The following PTPRN2 variants were observed in gnomAD, a reference collection of about 807,000 sequenced individuals.
PTPRN2 encodes receptor-type tyrosine-protein phosphatase N2.
In PTPRN2, 74 loss-of-function variants were observed where a neutral mutation model predicts 118.8. That is an observed-to-expected ratio of 0.62 (90% CI 0.52 to 0.76). PTPRN2 has a LOEUF of 0.76. Ranked by LOEUF, PTPRN2 falls within the 30% of genes least tolerant of loss-of-function variation. PTPRN2 has a pLI of 0.00. For synonymous variants in PTPRN2, 641 were observed against 608.0 expected (o/e 1.05, Z -0.80); for missense variants, 1,481 against 1,394.4 (o/e 1.06, Z -0.99).
At chr7:157,962,271 C>T (rs2164219) in intron 11 of PTPRN2, among the ~76,000 whole-genome samples, 56,057 of 152,128 alleles carry the variant, frequency 0.37, 12,882 homozygotes, top group Non-Finnish European at 0.53. Flanking sequence ...GAAAACACGC[C>T]GCTGCCAGCA....
chr7:158,369,419 A>AG (rs1325170484), intron 2 of PTPRN2, among the ~76,000 whole-genome samples: 4 of 152,124 alleles, frequency 2.6e-5, no homozygotes, highest in Admixed American at 6.6e-5. Context: ...ACACATGGTG[A>AG]GGGTGCCGGG....
intron 14 of PTPRN2, among the ~76,000 whole-genome samples, chr7:157,631,093 C>A (rs1012421980): frequency 6.6e-6 from 1 of 152,178 alleles, no homozygotes; most frequent in African/African-American, 2.4e-5. Flanking sequence ...GAATCTCTGG[C>A]AAGCCCAGAG....
At chr7:158,547,607 G>C (rs1223180097) in intron 1 of PTPRN2, among the ~76,000 whole-genome samples, 3 of 152,224 alleles carry the variant, frequency 2.0e-5, no homozygotes, top group Non-Finnish European at 4.4e-5. Context: ...CAAGGGAAAG[G>C]GGCCTGTTGG....
At chr7:158,358,772 G>C (rs1035226922) in intron 2 of PTPRN2, among the ~76,000 whole-genome samples, 3 of 152,234 alleles carry the variant, frequency 2.0e-5, no homozygotes, top group Admixed American at 6.5e-5. Context: ...AAGGTACACT[G>C]AGTGCAGCCA....
Position 158,369,968 on chromosome 7 carries a change from G to A in PTPRN2, c.164-53036C>T, listed in dbSNP as rs922104129. On this transcript the variant is annotated intron_variant, in intron 2 of 22. Transcript: ENST00000389418. ...ACAGTGTGGTCTCAGCGGGCAGGAG[G>A]CCCAGTCAGAAACACCGAGGGCAGA... Among the ~76,000 whole-genome samples, 7 of 152,310 alleles carry A rather than the reference G, an allele frequency of 4.6e-5. No individual in the cohort carries two copies. In the East Asian group the frequency reaches 1.3e-3, roughly 29 times the overall value.
intron 12 of PTPRN2, among the ~76,000 whole-genome samples, chr7:157,806,878 A>G (rs4716501): frequency 0.34 from 52,393 of 152,160 alleles, 11,296 homozygotes; most frequent in African/African-American, 0.61. Flanking sequence ...TCTCCTCTGC[A>G]TGCACAGCCT....
chr7:157,775,342 C>A (rs946864687), intron 12 of PTPRN2, among the ~76,000 whole-genome samples: 1 of 152,234 alleles, frequency 6.6e-6, no homozygotes. Flanking sequence ...CAGGCTACCT[C>A]ACCTCACCCT....
In PTPRN2 at chr7:158,138,432, T is replaced by C; in HGVS notation, c.994A>G (p.Met332Val). 1.9e-6 allele frequency: 3 copies of C among 1,613,428 alleles called. No homozygotes were observed. The highest frequency in any genetic ancestry group is 2.5e-6 in the Non-Finnish European group (3 of 1,179,914). Residue 332 changes from methionine to valine, a missense_variant, in exon 7 of 23, where the codon ATG becomes GTG. Met to Val is a conservative substitution (Grantham distance 21). Coordinates refer to ENST00000389418, the MANE Select transcript of PTPRN2 (RefSeq NM_002847.5). Reference sequence around the variant, plus strand: ...ATCAGGCCAGCCATCAGCTCAGCCATGCCGTCCAGCTCCAGGCCACTCAGG... The same window carrying C: ...ATCAGGCCAGCCATCAGCTCAGCCACGCCGTCCAGCTCCAGGCCACTCAGG... ...RGLSGLELDG[M>V]AELMAGLMQG...
chr7:158,136,340 C>T (rs1181012921), intron 8 of PTPRN2, among the ~76,000 whole-genome samples: 2 of 152,204 alleles, frequency 1.3e-5, no homozygotes, highest in African/African-American at 2.4e-5. Flanking sequence ...GCAAAGTGGG[C>T]ACAGGCTGCC....
intron 2 of PTPRN2, among the ~76,000 whole-genome samples, chr7:158,421,956 T>C (rs1410843703): frequency 6.6e-6 from 1 of 152,206 alleles, no homozygotes; most frequent in African/African-American, 2.4e-5. Context: ...GTCTGTGAAA[T>C]ATTCAAGCAA....
intron 3 of PTPRN2, among the ~76,000 whole-genome samples, chr7:158,249,232 C>T (rs928056069): frequency 2.0e-5 from 3 of 151,754 alleles, no homozygotes; most frequent in Admixed American, 6.6e-5. Context: ...CATACATACA[C>T]GTATCTACCA....
chr7:158,376,514 C>T (rs1385934615), intron 2 of PTPRN2, among the ~76,000 whole-genome samples: 4 of 131,734 alleles, frequency 3.0e-5, no homozygotes, highest in South Asian at 2.7e-4. Flanking sequence ...CCCTGTCACA[C>T]GTCCTGAGAG....
chr7:158,364,845 G>A (rs562294906), intron 2 of PTPRN2, among the ~76,000 whole-genome samples: 7 of 152,178 alleles, frequency 4.6e-5, no homozygotes, highest in Non-Finnish European at 1.0e-4. Flanking sequence ...GAAAGTCATA[G>A]GCACTTGACT....
intron 6 of PTPRN2, among the ~76,000 whole-genome samples, chr7:158,162,725 G>T (rs920889730): frequency 6.6e-6 from 1 of 152,056 alleles, no homozygotes; most frequent in African/African-American, 2.4e-5. Context: ...TTTGAAAGGA[G>T]ACCAGATGTG....
In PTPRN2 at chr7:158,247,309, C is replaced by T. The variant is rs950198775; in HGVS notation, c.278-42036G>A. On this transcript the variant is annotated intron_variant, in intron 3 of 22. Coordinates refer to ENST00000389418, the MANE Select transcript of PTPRN2 (RefSeq NM_002847.5). ...GATCTGGAAGGAGATTTCCAACCCA[C>T]GTGGGGTCTCACAGGAGAAGGCCGT... Among the ~76,000 whole-genome samples the T allele has an allele frequency of 9.9e-5, 15 of 152,202 alleles. No individual in the cohort carries two copies. The East Asian group carries it at 1.7e-3, about 18-fold the overall frequency.
intron 16 of PTPRN2, among the ~76,000 whole-genome samples, chr7:157,601,759 T>C (rs931155463): frequency 6.6e-6 from 1 of 151,824 alleles, no homozygotes; most frequent in Non-Finnish European, 1.5e-5. Flanking sequence ...TGGGGGAGAG[T>C]GGGCCCAGCT....
At position 157,845,272 on chromosome 7, in the gene PTPRN2, A is replaced by G. The variant is rs1210735299; in HGVS notation, c.1788+53401T>C. Among the ~76,000 whole-genome samples, 1 of 152,194 alleles carries G rather than the reference A, an allele frequency of 6.6e-6. No homozygotes were observed. Among genetic ancestry groups the G allele is most frequent in the African/African-American group, 2.4e-5 (1 of 41,444 alleles). On this transcript the variant is annotated intron_variant, in intron 12 of 22. Transcript: ENST00000389418. This position sits in a 1 kb window ranked among gnomAD's most constrained non-coding sequence, Gnocchi z 4.5. Reference sequence around the variant, plus strand: ...GAAAAAAATGCATGGCAGATACTCGATGGCCTTTCTGTCCTCCCTGCACCA... The same window carrying G: ...GAAAAAAATGCATGGCAGATACTCGGTGGCCTTTCTGTCCTCCCTGCACCA...
chr7:158,293,576 G>GA (rs910778278), intron 3 of PTPRN2, among the ~76,000 whole-genome samples: 303 of 144,584 alleles, frequency 2.1e-3, no homozygotes, highest in African/African-American at 6.0e-3. Context: ...ACTCTGTCTC[G>GA]AAAAAAAAAA....
At chr7:158,336,559 A>ACT (rs762355809) in intron 2 of PTPRN2, among the ~76,000 whole-genome samples, 7 of 119,928 alleles carry the variant, frequency 5.8e-5, no homozygotes, top group African/African-American at 1.6e-4. Context: ...TCACACCCAC[A>ACT]CTCACCATAA....
Sources: gnomAD v4.1 joint callset for allele counts (sites outside exome capture counted in the v4.1 genomes callset) on GRCh38, gnomAD v4.1.1 for gene constraint, Gnocchi (gnomAD v3.1) non-coding constraint, MANE v1.5 for transcripts, NCBI Gene and HGNC (gene_info 2026-07-23, HGNC 2026-07-21) for gene names.